Variants in CALCR observed in about 807,000 individuals in gnomAD.
The protein encoded by CALCR is calcitonin receptor.
A neutral mutation model predicts 59.5 loss-of-function variants in CALCR; 47 were observed. The observed-to-expected ratio is 0.79, with a 90% CI of 0.63 to 1.01. The LOEUF is 1.01. Among genes scored for constraint, CALCR ranks in the 50% least tolerant of loss-of-function variants. The probability of loss-of-function intolerance (pLI) is 0.00; values close to 1 mark genes in which losing one functional copy is unlikely to be tolerated. For missense variants in CALCR, 566 were observed against 597.1 expected, an observed-to-expected ratio of 0.95 and a Z score of 0.54; for synonymous variants, 213 against 211.3, an observed-to-expected ratio of 1.01 and a Z score of -0.07.
At chr7:93,464,983 A>G (rs1025146788) in intron 7 of CALCR, among the ~76,000 whole-genome samples, 2 of 151,944 alleles carry the variant, frequency 1.3e-5, no homozygotes, top group Admixed American at 1.3e-4. Context: ...GATTACCTAT[A>G]TATGCTTTTT....
chr7:93,489,018 A>G (rs570710674), intron 2 of CALCR, among the ~76,000 whole-genome samples: 108 of 152,080 alleles, frequency 7.1e-4, no homozygotes, highest in Non-Finnish European at 1.3e-3. Flanking sequence ...TTGGAAGTAA[A>G]ACATTCCTCA....
intron 7 of CALCR, among the ~76,000 whole-genome samples, chr7:93,461,839 C>A (rs956669077): frequency 1.3e-5 from 2 of 151,966 alleles, no homozygotes; most frequent in Non-Finnish European, 2.9e-5. Flanking sequence ...AACAAAATTG[C>A]GGTGATTATT....
intron 2 of CALCR, among the ~76,000 whole-genome samples, chr7:93,541,446 A>C (rs971066452): frequency 1.3e-5 from 2 of 152,134 alleles, no homozygotes; most frequent in African/African-American, 4.8e-5. Context: ...TACAGGAGTG[A>C]CCACCGCACC....
At chr7:93,518,228 A>G (rs1222816400) in intron 2 of CALCR, among the ~76,000 whole-genome samples, 1 of 151,840 alleles carries the variant, frequency 6.6e-6, no homozygotes, top group African/African-American at 2.4e-5. Flanking sequence ...ACACACATAC[A>G]CACACACTCC....
At chr7:93,493,764 C>A (rs1227545591) in intron 2 of CALCR, among the ~76,000 whole-genome samples, 1 of 151,302 alleles carries the variant, frequency 6.6e-6, no homozygotes, top group Non-Finnish European at 1.5e-5. Context: ...AGATTTGTGG[C>A]CTGCTAAAAG....
intron 2 of CALCR, among the ~76,000 whole-genome samples, chr7:93,538,565 A>G (rs1201804106): frequency 2.6e-5 from 4 of 151,900 alleles, no homozygotes; most frequent in African/African-American, 7.3e-5. Context: ...CTGTTTCTCA[A>G]TCTTTAAAAT....
At chr7:93,537,425 C>A (rs1434498105) in intron 2 of CALCR, among the ~76,000 whole-genome samples, 2 of 151,728 alleles carry the variant, frequency 1.3e-5, no homozygotes. Context: ...GGGAACTGAA[C>A]TGATGTCTCC....
chr7:93,513,016 T>C (rs1801578732), intron 2 of CALCR, among the ~76,000 whole-genome samples: 1 of 152,156 alleles, frequency 6.6e-6, no homozygotes, highest in Non-Finnish European at 1.5e-5. Flanking sequence ...CCATGAAGGC[T>C]AGGAATAACT....
intron 2 of CALCR, among the ~76,000 whole-genome samples, chr7:93,567,665 A>G (rs1344554595): frequency 6.6e-6 from 1 of 152,158 alleles, no homozygotes; most frequent in East Asian, 1.9e-4. Flanking sequence ...CTCGTCATTT[A>G]CATTAGGTAT....
At chr7:93,523,488 T>A (rs1801808251) in intron 2 of CALCR, among the ~76,000 whole-genome samples, 1 of 152,218 alleles carries the variant, frequency 6.6e-6, no homozygotes, top group East Asian at 1.9e-4. Context: ...TGTATTCCTG[T>A]CATCTACTAG....
At chr7:93,470,985 C>T (rs1203007559) in intron 6 of CALCR, among the ~76,000 whole-genome samples, 1 of 146,048 alleles carries the variant, frequency 6.8e-6, no homozygotes, top group Non-Finnish European at 1.5e-5. Context: ...TCCATGTGTT[C>T]TCATTGTTCA....
intron 2 of CALCR, among the ~76,000 whole-genome samples, chr7:93,547,994 G>A (rs1789338625): frequency 6.6e-6 from 1 of 152,150 alleles, no homozygotes; most frequent in African/African-American, 2.4e-5. Flanking sequence ...CCCTAAGACA[G>A]TGGTTTTCAA....
chr7:93,429,720 G>A (rs946037406), intron 13 of CALCR, among the ~76,000 whole-genome samples: 12 of 151,692 alleles, frequency 7.9e-5, no homozygotes, highest in African/African-American at 2.2e-4. Flanking sequence ...TATGTACTGC[G>A]GAATAGAAGG....
rs184210570 is a variant in CALCR at position 93,550,287 on chromosome 7, C to T, written c.-27+24002G>A. Among the ~76,000 whole-genome samples the T allele has an allele frequency of 4.4e-3, 664 of 151,672 alleles. 1 individual carries two copies. Among genetic ancestry groups the T allele is most frequent in the Middle Eastern group, 6.8e-3 (2 of 294 alleles). On this transcript the variant is annotated intron_variant, in intron 2 of 13. Transcript: ENST00000426151. ...GGTAAATCACCTGAGGTCAGGAGTT[C>T]GAGAGCAGCCTGGCCAACATGGTGA...
intron 2 of CALCR, among the ~76,000 whole-genome samples, chr7:93,554,994 T>C (rs1202759550): frequency 6.6e-6 from 1 of 151,934 alleles, no homozygotes; most frequent in Non-Finnish European, 1.5e-5. Context: ...TGGCAGTAAC[T>C]AGCAAGACCA....
At chr7:93,426,893 T>C (rs948126326) in intron 13 of CALCR, among the ~76,000 whole-genome samples, 1 of 152,358 alleles carries the variant, frequency 6.6e-6, no homozygotes, top group East Asian at 1.9e-4. Context: ...ACAGGTAATG[T>C]GGTATACATG....
intron 2 of CALCR, among the ~76,000 whole-genome samples, chr7:93,563,502 A>T (rs1323499311): frequency 6.6e-6 from 1 of 152,178 alleles, no homozygotes; most frequent in Non-Finnish European, 1.5e-5. Flanking sequence ...TTTGACTCTA[A>T]TTTTTATGAA....
At chr7:93,452,699 G>GA (rs1800134546) in intron 8 of CALCR, among the ~76,000 whole-genome samples, 1 of 151,880 alleles carries the variant, frequency 6.6e-6, no homozygotes, top group South Asian at 2.1e-4. Flanking sequence ...AAACACTGGA[G>GA]AAAAAAGTCT....
chr7:93,527,328 C>T (rs1788683078), intron 2 of CALCR, among the ~76,000 whole-genome samples: 1 of 151,488 alleles, frequency 6.6e-6, no homozygotes, highest in African/African-American at 2.4e-5. Context: ...ATATGTAATA[C>T]ATATTATATG....
Sources: gnomAD v4.1 joint callset for allele counts (sites outside exome capture counted in the v4.1 genomes callset) on GRCh38, gnomAD v4.1.1 for gene constraint, MANE v1.5 for transcripts, NCBI Gene and HGNC (gene_info 2026-07-23, HGNC 2026-07-21) for gene names.